Variants in RPS6KC1 observed in about 807,000 individuals in gnomAD.
RPS6KC1 encodes inactive ribosomal protein S6 kinase delta-1.
A neutral mutation model predicts 103.8 loss-of-function variants in RPS6KC1; 54 were observed. That is an observed-to-expected ratio of 0.52 (90% CI 0.42 to 0.65). The LOEUF is 0.65. RPS6KC1 is among the 30% of genes least tolerant of loss of function. RPS6KC1 has a pLI of 0.00. For missense variants in RPS6KC1, 1,151 were observed against 1,253.8 expected (o/e 0.92, Z 1.24); for synonymous variants, 439 against 438.7 (o/e 1.00, Z -0.01).
the RPS6KC1 span, among the ~76,000 whole-genome samples, chr1:213,316,628 T>C: frequency 6.6e-6 from 1 of 151,848 alleles, no homozygotes; most frequent in African/African-American, 2.4e-5. Flanking sequence ...ATGAACAAAT[T>C]AATAAGCAAA....
the RPS6KC1 span, among the ~76,000 whole-genome samples, chr1:213,620,263 T>A: frequency 6.6e-6 from 1 of 152,256 alleles, no homozygotes; most frequent in African/African-American, 2.4e-5. Flanking sequence ...TTTCTTCAGC[T>A]TCACACTGGG....
the RPS6KC1 span, among the ~76,000 whole-genome samples, chr1:213,823,178 A>G: frequency 3.1e-4 from 47 of 152,296 alleles, no homozygotes; most frequent in Non-Finnish European, 6.0e-4. Flanking sequence ...CCTCCCCTGG[A>G]AAAGCTTTCA....
chr1:213,095,243 A>G (rs1464133975), intron 3 of RPS6KC1, among the ~76,000 whole-genome samples: 1 of 152,190 alleles, frequency 6.6e-6, no homozygotes, highest in African/African-American at 2.4e-5. Context: ...TAATCCAGAG[A>G]ATCTTGACCT....
the RPS6KC1 span, among the ~76,000 whole-genome samples, chr1:213,673,086 A>C: frequency 6.6e-6 from 1 of 152,360 alleles, no homozygotes; most frequent in East Asian, 1.9e-4. Context: ...ACCTGAAGCT[A>C]CTAAGACCGA....
chr1:213,719,799 G>A, the RPS6KC1 span, among the ~76,000 whole-genome samples: 17 of 152,280 alleles, frequency 1.1e-4, no homozygotes, highest in East Asian at 2.3e-3. Context: ...GTGGTATCCC[G>A]GTCAAGAGCA....
At chr1:213,086,440 T>C (rs756434531) in intron 3 of RPS6KC1, among the ~76,000 whole-genome samples, 1 of 152,220 alleles carries the variant, frequency 6.6e-6, no homozygotes, top group Non-Finnish European at 1.5e-5. Flanking sequence ...GGACAACCAG[T>C]GGGTTACAGC....
the RPS6KC1 span, among the ~76,000 whole-genome samples, chr1:213,526,961 A>T: frequency 3.9e-5 from 6 of 152,354 alleles, no homozygotes; most frequent in Middle Eastern, 3.4e-3. Flanking sequence ...GTTTTCTGGT[A>T]CTGAGCCAAT....
chr1:213,265,432 C>T (rs972050975), intron 14 of RPS6KC1, among the ~76,000 whole-genome samples: 2 of 152,124 alleles, frequency 1.3e-5, no homozygotes, highest in African/African-American at 4.8e-5. Flanking sequence ...AAAGAACTTA[C>T]ATGTTTATGT....
At chr1:213,183,403 GA>G (rs968055051) in intron 8 of RPS6KC1, among the ~76,000 whole-genome samples, 13 of 152,080 alleles carry the variant, frequency 8.5e-5, no homozygotes, top group African/African-American at 3.1e-4. Flanking sequence ...TTCTAGGGCC[GA>G]AAAACCTCAA....
At chr1:213,484,846 C>CTAA in the RPS6KC1 span, among the ~76,000 whole-genome samples, 1 of 152,070 alleles carries the variant, frequency 6.6e-6, no homozygotes, top group African/African-American at 2.4e-5. Flanking sequence ...ATAAGGAAGC[C>CTAA]TATTAAGGGA....
chr1:213,659,046 C>A, the RPS6KC1 span, among the ~76,000 whole-genome samples: 1 of 152,034 alleles, frequency 6.6e-6, no homozygotes, highest in African/African-American at 2.4e-5. Flanking sequence ...CTCACCGCAA[C>A]CTCCGCCTCC....
At chr1:213,089,553 C>CCAGGTTCAAGCGGTTCT (rs1051595118) in intron 3 of RPS6KC1, among the ~76,000 whole-genome samples, 1 of 152,050 alleles carries the variant, frequency 6.6e-6, no homozygotes, top group African/African-American at 2.4e-5. Context: ...CCTCCGCCTC[C>CCAGGTTCAAGCGGTTCT]CAGGTTCAAG....
At chr1:213,684,387 A>G in the RPS6KC1 span, among the ~76,000 whole-genome samples, 2 of 151,604 alleles carry the variant, frequency 1.3e-5, no homozygotes, top group Non-Finnish European at 1.5e-5. Context: ...AAGAGCAGGA[A>G]TTAGAACGAC....
chr1:213,220,509 A>G (rs928050104), intron 8 of RPS6KC1, among the ~76,000 whole-genome samples: 2 of 152,116 alleles, frequency 1.3e-5, no homozygotes, highest in African/African-American at 4.8e-5. Context: ...GTATTTTTAT[A>G]GAAAGAGGGT....
At chr1:213,360,918 G>T in the RPS6KC1 span, among the ~76,000 whole-genome samples, 2 of 152,194 alleles carry the variant, frequency 1.3e-5, no homozygotes, top group Non-Finnish European at 2.9e-5. Context: ...TTTCTCTGGA[G>T]GTTTCCTCTC....
chr1:213,459,196 G>A, the RPS6KC1 span, among the ~76,000 whole-genome samples: 1 of 152,138 alleles, frequency 6.6e-6, no homozygotes, highest in African/African-American at 2.4e-5. Flanking sequence ...GCTCCTGTTT[G>A]TACGTCTGGT....
the RPS6KC1 span, among the ~76,000 whole-genome samples, chr1:213,726,007 A>G: frequency 6.6e-6 from 1 of 152,262 alleles, no homozygotes; most frequent in East Asian, 1.9e-4. Flanking sequence ...CATCATTTAT[A>G]TACTCCTCCA....
the RPS6KC1 span, among the ~76,000 whole-genome samples, chr1:213,838,908 A>C: frequency 1.4e-4 from 22 of 152,242 alleles, no homozygotes; most frequent in Admixed American, 1.3e-4. Context: ...TGCTTAAAGC[A>C]GAAGATTTAT....
the RPS6KC1 span, among the ~76,000 whole-genome samples, chr1:213,446,023 C>T: frequency 6.6e-6 from 1 of 152,168 alleles, no homozygotes; most frequent in African/African-American, 2.4e-5. Context: ...TCTTCTGCTT[C>T]CAAACCCGAG....
Sources: gnomAD v4.1 joint callset for allele counts (sites outside exome capture counted in the v4.1 genomes callset) on GRCh38, gnomAD v4.1.1 for gene constraint, MANE v1.5 for transcripts, NCBI Gene and HGNC (gene_info 2026-07-23, HGNC 2026-07-21) for gene names.